The following RALYL variants were observed in gnomAD, a reference collection of about 807,000 sequenced individuals.
The protein encoded by RALYL is RNA-binding Raly-like protein.
In RALYL, 29 loss-of-function variants were observed where a neutral mutation model predicts 35.1. That is an observed-to-expected ratio of 0.83 (90% CI 0.61 to 1.13). The LOEUF is 1.13. RALYL is among the 50% of genes most tolerant of loss of function. The pLI is 0.00. For synonymous variants in RALYL, 120 were observed against 127.6 expected, an observed-to-expected ratio of 0.94 and a Z score of 0.40; for missense variants, 359 against 360.4, an observed-to-expected ratio of 1.00 and a Z score of 0.03.
chr8:84,739,993 T>C (rs965936617), intron 2 of RALYL, among the ~76,000 whole-genome samples: 3 of 151,800 alleles, frequency 2.0e-5, no homozygotes, highest in African/African-American at 7.3e-5. Flanking sequence ...CAAAGAATTA[T>C]ATCATTAGAG....
chr8:84,431,904 C>T (rs1039622673), intron 1 of RALYL, among the ~76,000 whole-genome samples: 3 of 151,882 alleles, frequency 2.0e-5, no homozygotes, highest in Non-Finnish European at 4.4e-5. Flanking sequence ...GGTTATATAC[C>T]CAGTGGGGGG....
chr8:84,896,885 T>C (rs879295019), intron 8 of RALYL, among the ~76,000 whole-genome samples: 1 of 152,172 alleles, frequency 6.6e-6, no homozygotes, highest in Non-Finnish European at 1.5e-5. Flanking sequence ...TCTCCAGATT[T>C]AGCAAATAAA....
At chr8:84,213,886 A>G (rs1820149551) in intron 1 of RALYL, among the ~76,000 whole-genome samples, 2 of 152,214 alleles carry the variant, frequency 1.3e-5, no homozygotes, top group Non-Finnish European at 2.9e-5. Flanking sequence ...GTGCCTTATT[A>G]CTATAAGAGT....
At chr8:84,869,754 A>T (rs915899357) in intron 6 of RALYL, among the ~76,000 whole-genome samples, 3 of 152,290 alleles carry the variant, frequency 2.0e-5, no homozygotes, top group Middle Eastern at 3.4e-3. Context: ...AAACTTCTTT[A>T]TTTACCCTGA....
chr8:84,692,157 C>T (rs946469831), intron 2 of RALYL, among the ~76,000 whole-genome samples: 13 of 151,948 alleles, frequency 8.6e-5, no homozygotes, highest in Admixed American at 4.6e-4. Flanking sequence ...TGAAACTTTA[C>T]GCCTTGAAAT....
intron 2 of RALYL, among the ~76,000 whole-genome samples, chr8:84,629,212 G>A (rs368060341): frequency 6.6e-6 from 1 of 152,126 alleles, no homozygotes; most frequent in East Asian, 1.9e-4. Flanking sequence ...CTTATTGAAT[G>A]TATGCTCCAA....
intron 2 of RALYL, among the ~76,000 whole-genome samples, chr8:84,574,388 A>C (rs1191227156): frequency 6.6e-6 from 1 of 152,018 alleles, no homozygotes; most frequent in Non-Finnish European, 1.5e-5. Context: ...CTTAATATTC[A>C]GTTACACTCT....
chr8:84,615,570 CTTTTTTTTTTTTTTTTTTTT>C (rs60428128), intron 2 of RALYL, among the ~76,000 whole-genome samples: 3 of 67,392 alleles, frequency 4.5e-5, no homozygotes, highest in East Asian at 1.0e-3. Flanking sequence ...GAACTTTCGT[CTTTTTTTTTTTTTTTTTTTT>C]TTTTTTTTTT....
At chr8:84,376,693 A>C (rs1856976019) in intron 1 of RALYL, among the ~76,000 whole-genome samples, 1 of 151,902 alleles carries the variant, frequency 6.6e-6, no homozygotes, top group Admixed American at 6.6e-5. Flanking sequence ...AAGTCAAAGC[A>C]GGACTCCCTG....
At chr8:84,304,875 C>G (rs1184426186) in intron 1 of RALYL, among the ~76,000 whole-genome samples, 1 of 152,116 alleles carries the variant, frequency 6.6e-6, no homozygotes, top group African/African-American at 2.4e-5. Flanking sequence ...CTGGAGAATT[C>G]TAGATGCTGC....
chr8:84,862,113 A>C (rs1421007241), intron 5 of RALYL, among the ~76,000 whole-genome samples, 183 bp from the exon 6 acceptor site: 1 of 152,386 alleles, frequency 6.6e-6, no homozygotes, highest in East Asian at 1.9e-4. Context: ...CTATATTAGC[A>C]TCTATTTTCT....
chr8:84,884,999 A>T (rs1321471573), intron 7 of RALYL, among the ~76,000 whole-genome samples: 1 of 152,072 alleles, frequency 6.6e-6, no homozygotes, highest in Non-Finnish European at 1.5e-5. Flanking sequence ...TCAAAGGATC[A>T]GTGATAGGAG....
chr8:84,442,885 CA>C (rs2048487008), intron 1 of RALYL, among the ~76,000 whole-genome samples: 1 of 152,106 alleles, frequency 6.6e-6, no homozygotes, highest in African/African-American at 2.4e-5. Flanking sequence ...TTTGTGGAAC[CA>C]AAATGCCTGG....
intron 1 of RALYL, among the ~76,000 whole-genome samples, chr8:84,436,557 T>G (rs969496204): frequency 1.5e-4 from 22 of 147,962 alleles, no homozygotes; most frequent in African/African-American, 4.7e-4. Context: ...TTTTTTTTTT[T>G]TTTTTTTTTT....
At chr8:84,792,605 G>A (rs547331133) in intron 3 of RALYL, among the ~76,000 whole-genome samples, 4 of 152,150 alleles carry the variant, frequency 2.6e-5, no homozygotes, top group Non-Finnish European at 5.9e-5. Flanking sequence ...CCCTTCGCTG[G>A]GGAACCACCT....
At chr8:84,248,452 G>C (rs1371529030) in intron 1 of RALYL, among the ~76,000 whole-genome samples, 1 of 152,120 alleles carries the variant, frequency 6.6e-6, no homozygotes, top group Non-Finnish European at 1.5e-5. Context: ...TTTGTGGTCA[G>C]AATTCATACA....
chr8:84,404,970 C>G (rs115535894), intron 1 of RALYL, among the ~76,000 whole-genome samples: 1 of 152,132 alleles, frequency 6.6e-6, no homozygotes, highest in Non-Finnish European at 1.5e-5. Flanking sequence ...GGAAATAAAA[C>G]ATTCTTCATC....
chr8:84,801,947 A>AAAT (rs113379744), intron 3 of RALYL, among the ~76,000 whole-genome samples: 21 of 149,776 alleles, frequency 1.4e-4, no homozygotes, highest in African/African-American at 5.1e-4. Flanking sequence ...AAATCTAGGA[A>AAAT]AATAAATAAC....
chr8:84,864,555 A>G (rs528551199), intron 6 of RALYL: 49 of 205,342 alleles, frequency 2.4e-4, no homozygotes, highest in African/African-American at 9.5e-4. Context: ...AATGTTTCAT[A>G]TAAAGCACTG....
Sources: gnomAD v4.1 joint callset for allele counts (sites outside exome capture counted in the v4.1 genomes callset) on GRCh38, gnomAD v4.1.1 for gene constraint, MANE v1.5 for transcripts, NCBI Gene and HGNC (gene_info 2026-07-23, HGNC 2026-07-21) for gene names.